Variants in NPIPB2 observed in about 807,000 individuals in gnomAD.
The protein encoded by NPIPB2 is nuclear pore complex-interacting protein family member B2.
Under a neutral mutation model 30.8 loss-of-function variants are expected in NPIPB2, and 27 were observed. That is an observed-to-expected ratio of 0.88 (90% CI 0.65 to 1.21). The LOEUF (loss-of-function observed/expected upper bound fraction) is 1.21, where lower values mean the gene tolerates loss of function less well. Among genes scored for constraint, NPIPB2 ranks in the 50% most tolerant of loss-of-function variants. NPIPB2 has a pLI of 0.00. For synonymous variants in NPIPB2, 147 were observed against 162.0 expected (o/e 0.91, Z 0.70); for missense variants, 440 against 446.2 (o/e 0.99, Z 0.13).
chr16:11,962,631 CAAAAAAA>C (rs910336057), intron 1 of NPIPB2, among the ~76,000 whole-genome samples: 1 of 117,508 alleles, frequency 8.5e-6, no homozygotes, highest in African/African-American at 3.0e-5. Context: ...AAAAAAAAAC[CAAAAAAA>C]AAGAGGAAGA....
intron 1 of NPIPB2, chr16:11,966,219 C>A (rs140266790): frequency 1.2e-6 from 2 of 1,613,508 alleles, no homozygotes; most frequent in Non-Finnish European, 1.7e-6. Flanking sequence ...GTGAAAGGAA[C>A]GAATGCGATT....
intron 1 of NPIPB2, chr16:11,968,160 G>T (rs993776942): frequency 1.6e-5 from 5 of 307,100 alleles, no homozygotes; most frequent in East Asian, 1.2e-4. Context: ...GAGGGGGAAA[G>T]AATTCTAACC....
chr16:11,975,642 G>A (rs1407722482), intron 1 of NPIPB2, among the ~76,000 whole-genome samples: 1 of 151,894 alleles, frequency 6.6e-6, no homozygotes, highest in East Asian at 2.0e-4. Flanking sequence ...CCAGGCTGGA[G>A]TGCAGTGGTG....
At chr16:11,938,179 C>T (rs141661110) in intron 1 of NPIPB2, among the ~76,000 whole-genome samples, 5,625 of 152,094 alleles carry the variant, frequency 0.037, 355 homozygotes, top group African/African-American at 0.13. Flanking sequence ...CCACCATGCC[C>T]GACTAATTTT....
chr16:11,927,477 GT>G lies in NPIPB2; in HGVS notation c.1089del (p.Glu365AsnfsTer22). The G allele has an allele frequency of 2.4e-6, 3 of 1,244,054 alleles. No homozygotes were observed. Among genetic ancestry groups the G allele is most frequent in the African/African-American group, 2.2e-5 (1 of 45,932 alleles). The allele number at this position is 1,244,054 out of a possible 1,614,324, so 77.1% of individuals were successfully genotyped here. A position where few individuals can be genotyped will look rare whatever the true frequency, so the allele number is the denominator to read the frequency against. On this transcript the variant is annotated frameshift_variant, in exon 8 of 8. Coordinates refer to ENST00000399147, the Ensembl canonical transcript of NPIPB2. LOFTEE classifies it high-confidence loss of function. ...GCGGCCCTCCGCCTCTTGGGTTCGG[GT>G]GGTGATTCCACCTCAGCGGCCCTCC...
intron 1 of NPIPB2, chr16:11,967,859 G>C (rs374545778): frequency 1.2e-5 from 20 of 1,610,084 alleles, no homozygotes; most frequent in Non-Finnish European, 1.6e-5. Flanking sequence ...TAACCATTTC[G>C]ACTCGAGCAG....
chr16:11,927,870 C>A, exon 8 of NPIPB2: 1 of 1,153,230 alleles, frequency 8.7e-7, no homozygotes, highest in South Asian at 1.5e-5. Context: ...TCCGCTGCCG[C>A]CATTCTGACC....
chr16:11,965,882 G>A (rs2055189355), intron 1 of NPIPB2, among the ~76,000 whole-genome samples: 1 of 152,122 alleles, frequency 6.6e-6, no homozygotes, highest in South Asian at 2.1e-4. Flanking sequence ...GGCCGAGGTG[G>A]GTGAATCACC....
chr16:11,960,064 C>T (rs932763759), intron 1 of NPIPB2, among the ~76,000 whole-genome samples: 7 of 152,146 alleles, frequency 4.6e-5, no homozygotes, highest in African/African-American at 1.7e-4. Context: ...TGTGAGCCAC[C>T]GTGCCCAGTC....
rs1455507533 is a variant in NPIPB2 at position 11,937,531 on chromosome 16, T to C, written c.192+9A>G. 2.0e-6 allele frequency: 3 copies of C among 1,525,510 alleles called. No homozygotes were observed. Among genetic ancestry groups the C allele is most frequent in the African/African-American group, 2.7e-5 (2 of 73,504 alleles). 94.5% of individuals were successfully genotyped at this position (1,525,510 alleles called of 1,614,324 possible). A position where few individuals can be genotyped will look rare whatever the true frequency, so the allele number is the denominator to read the frequency against. On this transcript the variant is annotated intron_variant, in intron 2 of 7. Transcript: ENST00000399147. Reference sequence around the variant, plus strand: ...CAAGTATACCTCTACAGAAAGTTAGTACACTCACCCAAAGGTAAACTGTCC... The same window carrying C: ...CAAGTATACCTCTACAGAAAGTTAGCACACTCACCCAAAGGTAAACTGTCC...
At chr16:11,950,698 C>A (rs62040821) in intron 1 of NPIPB2, among the ~76,000 whole-genome samples, 17,451 of 151,958 alleles carry the variant, frequency 0.11, 1,314 homozygotes, top group South Asian at 0.2. Flanking sequence ...TCTACCGCTC[C>A]CTCCCTCCTC....
chr16:11,966,337 C>G (rs756660154), intron 1 of NPIPB2: 2 of 1,610,750 alleles, frequency 1.2e-6, no homozygotes, highest in Non-Finnish European at 1.7e-6. Context: ...AGTTTAAAAA[C>G]ACAGGTTGGT....
intron 1 of NPIPB2, among the ~76,000 whole-genome samples, chr16:11,951,222 C>T (rs1596500482): frequency 1.3e-5 from 2 of 151,314 alleles, no homozygotes; most frequent in Admixed American, 6.6e-5. Context: ...TTTGAGAGGC[C>T]GAGGCGGGTG....
intron 1 of NPIPB2, among the ~76,000 whole-genome samples, chr16:11,973,475 G>C (rs1022567767): frequency 2.6e-5 from 4 of 152,224 alleles, no homozygotes; most frequent in Non-Finnish European, 4.4e-5. Context: ...AGATAAACTG[G>C]AGAAAAGGTA....
At chr16:11,950,740 C>G (rs2055054207) in intron 1 of NPIPB2, among the ~76,000 whole-genome samples, 1 of 152,056 alleles carries the variant, frequency 6.6e-6, no homozygotes, top group South Asian at 2.1e-4. Context: ...TCCCTTCCAG[C>G]CCATAAATAT....
In NPIPB2 at chr16:11,933,836, C is replaced by T. The variant is rs529129562; in HGVS notation, c.281G>A (p.Arg94His). Residue 94 changes from arginine (R) to histidine (H), a missense_variant, in exon 3 of 8, where the codon CGT becomes CAT. By Grantham distance (29) the Arg-to-His change is conservative. Coordinates refer to ENST00000399147, the Ensembl canonical transcript of NPIPB2. ...CAACAGAGCCATACCTTCCTGTCTA[C>T]GGCGGTTGGACCTCCTGGCTCTCTG... The T allele has an allele frequency of 1.1e-3, 1,753 of 1,586,730 alleles. 17 individuals are homozygous for T. In the African/African-American group the frequency reaches 0.021, roughly 19 times the overall value.
intron 2 of NPIPB2, 86 bp from the exon 3 acceptor site, chr16:11,934,010 A>G: frequency 9.5e-7 from 1 of 1,058,162 alleles, no homozygotes; most frequent in South Asian, 1.3e-5. Context: ...AGGCAGGTGG[A>G]TCACGGGGTC....
rs1339731049 is a variant in NPIPB2 at position 11,941,284 on chromosome 16, A to C, written c.63+699T>G. 1.9e-5 allele frequency: 26 copies of C among 1,359,240 alleles called. No homozygotes were observed. In the African/African-American group the frequency reaches 3.5e-4, roughly 18 times the overall value. The allele number at this position is 1,359,240 out of a possible 1,614,324, so 84.2% of individuals were successfully genotyped here. ...GGGCGCCCTGAGGCGGCCAGGACAG[A>C]GGTGGAGGTGGCTTAGGGCAGGGGG... On this transcript the variant is annotated intron_variant, in intron 1 of 7. Transcript: ENST00000399147.
intron 1 of NPIPB2, among the ~76,000 whole-genome samples, chr16:11,955,839 C>G (rs1252459161): frequency 6.6e-6 from 1 of 151,450 alleles, no homozygotes; most frequent in East Asian, 1.9e-4. Context: ...TGGGAGGATG[C>G]TTGGAGAGAA....
Sources: allele counts gnomAD v4.1 joint callset (sites outside exome capture counted in the v4.1 genomes callset), GRCh38; gene constraint gnomAD v4.1.1; transcripts MANE v1.5; gene names NCBI Gene and HGNC (gene_info 2026-07-23, HGNC 2026-07-21).